FBXO42: variants seen among roughly 807,000 people sequenced by gnomAD.
FBXO42 encodes the protein F-box protein 42.
A neutral mutation model predicts 71.7 loss-of-function variants in FBXO42; 12 were observed. That is an observed-to-expected ratio of 0.17 (90% CI 0.11 to 0.27). FBXO42 has a LOEUF of 0.27. Ranked by LOEUF, FBXO42 falls within the 10% of genes least tolerant of loss-of-function variation. FBXO42 has a pLI of 1.00. For synonymous variants in FBXO42, 325 were observed against 327.5 expected (o/e 0.99, Z 0.08); for missense variants, 707 against 911.9 (o/e 0.78, Z 2.89).
intron 4 of FBXO42, among the ~76,000 whole-genome samples, chr1:16,273,819 C>A (rs1467859216): frequency 6.6e-6 from 1 of 151,236 alleles, no homozygotes; most frequent in African/African-American, 2.4e-5. Context: ...GTAGAGGCTG[C>A]AGTGAGCCAA....
At chr1:16,338,804 C>CT (rs71574177) in intron 1 of FBXO42, among the ~76,000 whole-genome samples, 3,727 of 80,854 alleles carry the variant, frequency 0.046, 212 homozygotes, top group East Asian at 0.13. Flanking sequence ...TTCCATTTGT[C>CT]TTTTTTTTTT....
intron 1 of FBXO42, among the ~76,000 whole-genome samples, chr1:16,319,442 G>A (rs1299860223): frequency 6.6e-6 from 1 of 152,160 alleles, no homozygotes; most frequent in Non-Finnish European, 1.5e-5. Flanking sequence ...CTAGCAAAGT[G>A]GCTATTAGAA....
intron 1 of FBXO42, among the ~76,000 whole-genome samples, chr1:16,331,082 T>C (rs911164646): frequency 6.6e-6 from 1 of 150,822 alleles, no homozygotes; most frequent in South Asian, 2.1e-4. Context: ...ACAGCGCCAC[T>C]GTACTCTGGC....
At chr1:16,309,922 G>A (rs1310286193) in intron 2 of FBXO42, among the ~76,000 whole-genome samples, 2 of 151,280 alleles carry the variant, frequency 1.3e-5, no homozygotes, top group African/African-American at 2.4e-5. Flanking sequence ...TTGGCCGAGC[G>A]CAGTGGCTCA....
intron 4 of FBXO42, among the ~76,000 whole-genome samples, chr1:16,277,168 A>G (rs1241629367): frequency 6.6e-6 from 1 of 152,236 alleles, no homozygotes; most frequent in Non-Finnish European, 1.5e-5. Context: ...AGAAGCTAGG[A>G]GTATATTTGA....
intron 1 of FBXO42, among the ~76,000 whole-genome samples, chr1:16,346,515 C>T (rs776282635): frequency 8.6e-5 from 13 of 151,644 alleles, no homozygotes; most frequent in Admixed American, 3.3e-4. Flanking sequence ...AGTGAAACCC[C>T]GTCTCCACCA....
chr1:16,328,617 AT>A (rs1251682753), intron 1 of FBXO42, among the ~76,000 whole-genome samples: 72 of 152,294 alleles, frequency 4.7e-4, no homozygotes, highest in African/African-American at 1.7e-3. Context: ...GGTGCATAAT[AT>A]ACACACACAC....
intron 3 of FBXO42, among the ~76,000 whole-genome samples, chr1:16,303,864 G>A (rs1324589517): frequency 6.6e-6 from 1 of 152,066 alleles, no homozygotes; most frequent in African/African-American, 2.4e-5. Context: ...TCCTGCTTCA[G>A]CCTCCCCAGT....
intron 1 of FBXO42, among the ~76,000 whole-genome samples, chr1:16,346,087 TA>T (rs2082652445): frequency 6.6e-6 from 1 of 152,024 alleles, no homozygotes; most frequent in Non-Finnish European, 1.5e-5. Context: ...ATGAATAAAT[TA>T]AAATCCATGT....
intron 2 of FBXO42, among the ~76,000 whole-genome samples, chr1:16,308,853 C>T (rs780059473): frequency 2.1e-4 from 31 of 149,274 alleles, no homozygotes; most frequent in Non-Finnish European, 4.3e-4. Flanking sequence ...AAATGATTTC[C>T]CTGCCTCAGG....
chr1:16,321,290 A>G (rs6685060), intron 1 of FBXO42, among the ~76,000 whole-genome samples: 2,955 of 152,322 alleles, frequency 0.019, 79 homozygotes, highest in African/African-American at 0.068. Context: ...CTCTGTAATT[A>G]CATGCCCAAC....
chr1:16,346,800 G>C (rs1428852992), intron 1 of FBXO42, among the ~76,000 whole-genome samples: 1 of 147,974 alleles, frequency 6.8e-6, no homozygotes, highest in Non-Finnish European at 1.5e-5. Flanking sequence ...TGTCGCCCAG[G>C]CTGGAGGGCA....
chr1:16,350,757 A>AAAAGAAAGAAAGAAAGAAAG (rs559971807), intron 1 of FBXO42, among the ~76,000 whole-genome samples: 1,386 of 44,166 alleles, frequency 0.031, 56 homozygotes, highest in East Asian at 0.062. Context: ...AAAAAAAAAA[A>AAAAGAAAGAAAGAAAGAAAG]AAAGAAAGAA....
intron 4 of FBXO42, among the ~76,000 whole-genome samples, chr1:16,269,428 G>A (rs1480658286): frequency 6.6e-6 from 1 of 150,560 alleles, no homozygotes; most frequent in Non-Finnish European, 1.5e-5. Context: ...TGTTCCCCAG[G>A]CCGGAGTGCA....
intron 1 of FBXO42, among the ~76,000 whole-genome samples, chr1:16,331,478 G>T (rs72637832): frequency 1.3e-5 from 2 of 151,066 alleles, no homozygotes; most frequent in African/African-American, 4.9e-5. Flanking sequence ...AAACCGGCTT[G>T]GTGCGGTGGC....
At chr1:16,269,866 T>C (rs2081820984) in intron 4 of FBXO42, among the ~76,000 whole-genome samples, 1 of 151,642 alleles carries the variant, frequency 6.6e-6, no homozygotes, top group Non-Finnish European at 1.5e-5. Context: ...TTGTTTTGTT[T>C]TGTTTTGTTT....
At chr1:16,262,190 A>G (rs932096036) in intron 4 of FBXO42, among the ~76,000 whole-genome samples, 8 of 152,238 alleles carry the variant, frequency 5.3e-5, no homozygotes, top group East Asian at 1.9e-4. Context: ...GTGTGTGTGT[A>G]TATGTATATA....
chr1:16,280,960 TG>T (rs2081957618), intron 4 of FBXO42, among the ~76,000 whole-genome samples: 1 of 152,060 alleles, frequency 6.6e-6, no homozygotes, highest in African/African-American at 2.4e-5. Flanking sequence ...TGTGTGTGTT[TG>T]TTTTTGTTTT....
intron 3 of FBXO42, among the ~76,000 whole-genome samples, chr1:16,304,846 G>C (rs1037100232): frequency 2.6e-5 from 4 of 152,252 alleles, no homozygotes; most frequent in Admixed American, 2.0e-4. Flanking sequence ...GCACACACCA[G>C]TAGTCCCAGC....
Sources: allele counts gnomAD v4.1 joint callset (sites outside exome capture counted in the v4.1 genomes callset), GRCh38; gene constraint gnomAD v4.1.1; transcripts MANE v1.5; gene names NCBI Gene and HGNC (gene_info 2026-07-23, HGNC 2026-07-21).